The following DGCR2 variants were observed in gnomAD, a reference collection of about 807,000 sequenced individuals.
DGCR2 encodes the protein DiGeorge syndrome critical region gene 2, also known as integral membrane protein DGCR2/IDD.
Under a neutral mutation model 51.6 loss-of-function variants are expected in DGCR2, and 24 were observed. The ratio of observed to expected loss-of-function variants is 0.47; its 90% CI spans 0.34 to 0.65. The LOEUF is 0.65. DGCR2 is among the 30% of genes least tolerant of loss of function. The pLI is 0.01. For missense variants in DGCR2, 765 were observed against 772.1 expected (o/e 0.99, Z 0.11); for synonymous variants, 340 against 315.4 (o/e 1.08, Z -0.82).
chr22:19,084,477 T>C lies in DGCR2; in HGVS notation c.202+4891A>G, dbSNP rs1281210404. Among the ~76,000 whole-genome samples, 199 of 118,198 alleles carry C rather than the reference T, an allele frequency of 1.7e-3. 6 individuals are homozygous for C. The highest frequency in any genetic ancestry group is 6.0e-3 in the Middle Eastern group (1 of 168). The allele number at this position is 118,198 out of a possible 152,430, so 77.5% of individuals were successfully genotyped here. ...CCGTCTGAGAAGTGAGGGGCCCCTTTGCCCGGGAGCCGCCCCGTCTGAGAA... is the reference window on the plus strand; with the variant it reads ...CCGTCTGAGAAGTGAGGGGCCCCTTCGCCCGGGAGCCGCCCCGTCTGAGAA... On this transcript the variant is annotated intron_variant, in intron 2 of 9. Coordinates refer to ENST00000263196, the MANE Select transcript of DGCR2 (RefSeq NM_005137.3).
rs778970567 is a variant in DGCR2, at chr22:19,068,219, G to C, written c.209C>G (p.Thr70Ser). ...ESDEANCPEV[T>S]GEVRPHHGKE... ...CCCATGATGAGGACGCACCTCCCCG[G>C]TCACTTCTGAAAGCAAAAGGAGATG... The change falls in exon 3 of 10, where the codon ACC becomes AGC. Residue 70 changes from threonine (T) to serine (S), a missense_variant. Physicochemically the swap from Thr to Ser is moderately conservative, Grantham distance 58. This residue lies in a region of DGCR2 where 370 missense variants were observed against 325.5 expected (regional missense o/e 1.14). Transcript: ENST00000263196. 1.9e-6 allele frequency: 3 copies of C among 1,597,474 alleles called. No homozygotes were observed. The highest frequency in any genetic ancestry group is 1.8e-5 in the Admixed American group (1 of 57,106).
chr22:19,099,819 AAATT>A (rs2083181733), intron 1 of DGCR2, among the ~76,000 whole-genome samples: 2 of 151,746 alleles, frequency 1.3e-5, no homozygotes, highest in African/African-American at 4.8e-5. Flanking sequence ...AAATACAAAA[AAATT>A]AGCTGGGCAT....
At chr22:19,093,858 T>G (rs771170093) in intron 1 of DGCR2, among the ~76,000 whole-genome samples, 2 of 151,846 alleles carry the variant, frequency 1.3e-5, no homozygotes, top group Non-Finnish European at 1.5e-5. Flanking sequence ...ACAAAAAAAT[T>G]AGCTGGGCTT....
At chr22:19,111,316 C>G (rs576486392) in intron 1 of DGCR2, among the ~76,000 whole-genome samples, 4 of 152,292 alleles carry the variant, frequency 2.6e-5, no homozygotes, top group Admixed American at 2.0e-4. Flanking sequence ...ACTAGCGATG[C>G]CCAACTCAGT....
rs5844372 is a variant in DGCR2 at position 19,110,636 on chromosome 22, T to TAA, written c.79+11490_79+11491dup. On this transcript the variant is annotated intron_variant, in intron 1 of 9. Coordinates refer to ENST00000263196, the MANE Select transcript of DGCR2 (RefSeq NM_005137.3). The stretch of plus-strand genomic sequence containing the variant: ...AACTTAAAGTAAAATAAAATTAAAT[T>TAA]AAAAAAAAAAAGAAAAGGCAGAAGG... Among the ~76,000 whole-genome samples, 24 of 146,240 alleles carry TAA rather than the reference T, an allele frequency of 1.6e-4. No individual in the cohort carries two copies. In the East Asian group the frequency reaches 1.8e-3, roughly 11 times the overall value.
chr22:19,070,360 G>A (rs1351137723), intron 2 of DGCR2, among the ~76,000 whole-genome samples: 2 of 152,212 alleles, frequency 1.3e-5, no homozygotes, highest in Non-Finnish European at 2.9e-5. Flanking sequence ...ATAAACCTGA[G>A]GCCAGGCCTG....
At chr22:19,048,305 G>T in intron 7 of DGCR2, 135 bp downstream of exon 7, 1 of 918,618 alleles carries the variant, frequency 1.1e-6, no homozygotes, top group Non-Finnish European at 1.7e-6. Context: ...ACATCTCTGT[G>T]ACAAACGCTG....
intron 1 of DGCR2, among the ~76,000 whole-genome samples, chr22:19,093,178 A>T (rs574401146): frequency 6.6e-6 from 1 of 152,116 alleles, no homozygotes; most frequent in South Asian, 2.1e-4. Context: ...CTGACCAACA[A>T]GGTGAAACCC....
chr22:19,058,108 T>G (rs1409112421), intron 5 of DGCR2, among the ~76,000 whole-genome samples: 1 of 147,246 alleles, frequency 6.8e-6, no homozygotes, highest in African/African-American at 2.4e-5. Context: ...CACCTGCGTC[T>G]TTTGGAGCTC....
chr22:19,105,393 T>C (rs1246978607), intron 1 of DGCR2, among the ~76,000 whole-genome samples: 1 of 152,140 alleles, frequency 6.6e-6, no homozygotes, highest in African/African-American at 2.4e-5. Context: ...ACAGAGGGCA[T>C]ATTGCTCGGT....
intron 5 of DGCR2, chr22:19,061,239 C>T (rs1411008043): frequency 1.2e-4 from 21 of 168,522 alleles, no homozygotes; most frequent in South Asian, 1.0e-3. Flanking sequence ...CTGGGCTAGA[C>T]GTGCTCTTGC....
intron 1 of DGCR2, 33 bp from the exon 2 acceptor site, chr22:19,089,523 A>T (rs1328013919): frequency 2.0e-6 from 3 of 1,505,264 alleles, no homozygotes; most frequent in Non-Finnish European, 2.7e-6. Context: ...GCCATTGAGG[A>T]AGTGGCAGTA....
At chr22:19,096,523 T>C (rs73158843) in intron 1 of DGCR2, among the ~76,000 whole-genome samples, 14,342 of 152,158 alleles carry the variant, frequency 0.094, 738 homozygotes, top group Middle Eastern at 0.15. Flanking sequence ...CATGATTTGA[T>C]CATTACACAT....
chr22:19,092,023 G>T (rs975825278), intron 1 of DGCR2, among the ~76,000 whole-genome samples: 10 of 151,986 alleles, frequency 6.6e-5, no homozygotes, highest in Admixed American at 6.6e-4. Context: ...TAAACCTCTA[G>T]ACAGTCTGAT....
chr22:19,095,998 G>T (rs1021605021), intron 1 of DGCR2, among the ~76,000 whole-genome samples: 1 of 152,108 alleles, frequency 6.6e-6, no homozygotes, highest in Non-Finnish European at 1.5e-5. Flanking sequence ...TCCAGGGCTT[G>T]CCCCATGACT....
chr22:19,063,408 T>A, intron 4 of DGCR2, 130 bp from the exon 5 acceptor site: 1 of 801,482 alleles, frequency 1.2e-6, no homozygotes, highest in Non-Finnish European at 2.0e-6. Flanking sequence ...TGGTGCGATC[T>A]CGGCTCACTG....
intron 6 of DGCR2, among the ~76,000 whole-genome samples, chr22:19,050,409 AAAC>A (rs1569042046): frequency 2.6e-5 from 4 of 152,360 alleles, no homozygotes; most frequent in South Asian, 4.1e-4. Flanking sequence ...TTTCCCAGAC[AAAC>A]AACAAGTGAG....
intron 1 of DGCR2, 32 bp downstream of exon 1, chr22:19,122,091 CGCCCA>C: frequency 7.0e-7 from 1 of 1,427,184 alleles, no homozygotes; most frequent in Non-Finnish European, 9.2e-7. Context: ...CCCCGCTCGC[CGCCCA>C]GCCCCCACAC....
intron 1 of DGCR2, among the ~76,000 whole-genome samples, chr22:19,103,979 G>C (rs1373036995): frequency 6.6e-6 from 1 of 151,976 alleles, no homozygotes. Context: ...CTATGACCCA[G>C]CCACTGCAAT....
Sources: gnomAD v4.1 joint callset for allele counts (sites outside exome capture counted in the v4.1 genomes callset) on GRCh38, gnomAD v4.1.1 for gene constraint, gnomAD v4.1.1 regional missense constraint, MANE v1.5 for transcripts, NCBI Gene and HGNC (gene_info 2026-07-23, HGNC 2026-07-21) for gene names.